SH3RF1: variants seen among roughly 807,000 people sequenced by gnomAD.
The protein encoded by SH3RF1 is SH3 domain containing ring finger 1.
SH3RF1 carries 32 observed loss-of-function variants against 74.0 expected under a neutral mutation model. The observed-to-expected ratio is 0.43, with a 90% CI of 0.33 to 0.58. The LOEUF (loss-of-function observed/expected upper bound fraction) is 0.58, where lower values mean the gene tolerates loss of function less well. Ranked by LOEUF, SH3RF1 falls within the 20% of genes least tolerant of loss-of-function variation. The probability of loss-of-function intolerance (pLI) is 0.05; values close to 1 mark genes in which losing one functional copy is unlikely to be tolerated. For synonymous variants in SH3RF1, 396 were observed against 439.6 expected (o/e 0.90, Z 1.24); for missense variants, 954 against 1,130.9 (o/e 0.84, Z 2.24).
chr4:169,204,474 A>C (rs1233578237), intron 2 of SH3RF1, among the ~76,000 whole-genome samples: 1 of 152,196 alleles, frequency 6.6e-6, no homozygotes. Flanking sequence ...GAAGTAATGA[A>C]GTAGAGTATT....
intron 5 of SH3RF1, 53 bp downstream of exon 5, chr4:169,136,265 T>G: frequency 7.4e-7 from 1 of 1,349,652 alleles, no homozygotes; most frequent in Non-Finnish European, 9.6e-7. Flanking sequence ...TGTTTGTAAG[T>G]TGATCCTTTT....
At chr4:169,252,192 T>C (rs1167504487) in intron 2 of SH3RF1, among the ~76,000 whole-genome samples, 1 of 152,240 alleles carries the variant, frequency 6.6e-6, no homozygotes, top group South Asian at 2.1e-4. Context: ...CACAGCTTAC[T>C]TTTTCAAACA....
chr4:169,167,853 T>C (rs1312294868), intron 2 of SH3RF1, among the ~76,000 whole-genome samples: 1 of 152,062 alleles, frequency 6.6e-6, no homozygotes, highest in East Asian at 1.9e-4. Context: ...AATTCACACA[T>C]ACAAATTTTA....
intron 2 of SH3RF1, among the ~76,000 whole-genome samples, chr4:169,249,913 A>C (rs1383075334): frequency 6.6e-6 from 1 of 152,182 alleles, no homozygotes; most frequent in Non-Finnish European, 1.5e-5. Flanking sequence ...GGCTCCAGAC[A>C]CTCAACAGAA....
At chr4:169,263,098 G>C (rs528710552) in intron 2 of SH3RF1, among the ~76,000 whole-genome samples, 1 of 152,040 alleles carries the variant, frequency 6.6e-6, no homozygotes, top group Admixed American at 6.5e-5. Flanking sequence ...GCTTGGGTCC[G>C]GTATGAGTTA....
chr4:169,186,826 G>GA (rs372829457), intron 2 of SH3RF1, among the ~76,000 whole-genome samples: 6,130 of 148,564 alleles, frequency 0.041, 185 homozygotes, highest in Non-Finnish European at 0.06. Context: ...CTAACACGGT[G>GA]AAACCCCATC....
chr4:169,233,720 C>T (rs1432158337), intron 2 of SH3RF1, among the ~76,000 whole-genome samples: 3 of 151,968 alleles, frequency 2.0e-5, no homozygotes, highest in Admixed American at 2.0e-4. Flanking sequence ...TAATGAGCAA[C>T]TTAATCAGCA....
chr4:169,250,029 C>T lies in SH3RF1; in HGVS notation c.393+18791G>A, dbSNP rs773712288. Among the ~76,000 whole-genome samples the T allele has an allele frequency of 5.9e-5, 9 of 152,168 alleles. No homozygotes were observed. In the East Asian group the frequency reaches 1.5e-3, roughly 26 times the overall value. On this transcript the variant is annotated intron_variant, in intron 2 of 11. Transcript: ENST00000284637. ...CAAATGAGGAAATATGCTCAAGTCACGACACAGCCAAGATTAATAGGTGTT... is the reference window on the plus strand; with the variant it reads ...CAAATGAGGAAATATGCTCAAGTCATGACACAGCCAAGATTAATAGGTGTT...
chr4:169,173,498 T>C (rs1278105686), intron 2 of SH3RF1, among the ~76,000 whole-genome samples: 1 of 151,966 alleles, frequency 6.6e-6, no homozygotes, highest in African/African-American at 2.4e-5. Flanking sequence ...AAAAACAAGA[T>C]ATAAATTGTC....
chr4:169,251,288 A>G (rs1226992289), intron 2 of SH3RF1, among the ~76,000 whole-genome samples: 1 of 152,212 alleles, frequency 6.6e-6, no homozygotes, highest in Non-Finnish European at 1.5e-5. Context: ...AAATTTCATT[A>G]TATCTAAACA....
chr4:169,218,616 C>T (rs955243955), intron 2 of SH3RF1, among the ~76,000 whole-genome samples: 1 of 151,466 alleles, frequency 6.6e-6, no homozygotes, highest in Non-Finnish European at 1.5e-5. Context: ...CAGGGAAGGG[C>T]AGCTGCAGAC....
At chr4:169,147,991 C>T (rs1255519341) in intron 4 of SH3RF1, among the ~76,000 whole-genome samples, 1 of 140,648 alleles carries the variant, frequency 7.1e-6, no homozygotes, top group Non-Finnish European at 1.5e-5. Flanking sequence ...ATTAAAATAT[C>T]ATGGTTTTAA....
intron 8 of SH3RF1, among the ~76,000 whole-genome samples, chr4:169,118,560 A>G (rs1411766744): frequency 6.6e-6 from 1 of 151,986 alleles, no homozygotes; most frequent in African/African-American, 2.4e-5. Context: ...GGTTCAAGTG[A>G]TTCTCCTGTC....
At chr4:169,211,240 T>C (rs151084199) in intron 2 of SH3RF1, among the ~76,000 whole-genome samples, 2,698 of 152,110 alleles carry the variant, frequency 0.018, 74 homozygotes, top group African/African-American at 0.062. Flanking sequence ...CCCAGCACTT[T>C]GGGAGGCCAA....
At chr4:169,224,159 A>C (rs1730616295) in intron 2 of SH3RF1, among the ~76,000 whole-genome samples, 1 of 152,242 alleles carries the variant, frequency 6.6e-6, no homozygotes, top group Non-Finnish European at 1.5e-5. Context: ...AGGGACAGGA[A>C]GCAGGCAGTA....
chr4:169,213,720 T>C (rs1207901579), intron 2 of SH3RF1, among the ~76,000 whole-genome samples: 1 of 152,256 alleles, frequency 6.6e-6, no homozygotes, highest in Non-Finnish European at 1.5e-5. Flanking sequence ...TCTAGATTCA[T>C]TGTTTGCATT....
rs151037598 is a variant in SH3RF1 at position 169,260,358 on chromosome 4, CT to C, written c.393+8461del. Among the ~76,000 whole-genome samples, 1,328 of 152,300 alleles carry C rather than the reference CT, an allele frequency of 8.7e-3. 13 individuals carry two copies. The highest frequency in any genetic ancestry group is 0.03 in the African/African-American group (1,251 of 41,570). ...GAGAAGGACTGCTTTCCTGCTCCCC[CT>C]GTCTGTTCTACCGGCTCCCCACTGC... On this transcript the variant is annotated intron_variant, in intron 2 of 11. Coordinates refer to ENST00000284637, the MANE Select transcript of SH3RF1 (RefSeq NM_020870.4).
chr4:169,269,165 T>C lies in SH3RF1; in HGVS notation c.48A>G (p.Leu16=). The change falls in exon 2 of 12, where the codon CTA becomes CTG. Residue 16 remains leucine (L), a synonymous_variant. Coordinates refer to ENST00000284637, the MANE Select transcript of SH3RF1 (RefSeq NM_020870.4). Reference sequence around the variant, plus strand: ...CCTTCGCAGAAGCATCAAGGCGCTCTAGACACACCGGACACTCCAAAAGAT... The same window carrying C: ...CCTTCGCAGAAGCATCAAGGCGCTCCAGACACACCGGACACTCCAAAAGAT... ...LLDLLECPVC[L]ERLDASAKVL... 1 of 1,609,460 alleles carries C rather than the reference T, an allele frequency of 6.2e-7. No homozygotes were observed. The highest frequency in any genetic ancestry group is 8.5e-7 in the Non-Finnish European group (1 of 1,179,452).
chr4:169,268,294 G>A lies in SH3RF1; in HGVS notation c.393+526C>T, dbSNP rs1423599928. On this transcript the variant is annotated intron_variant, in intron 2 of 11. Coordinates refer to ENST00000284637, the MANE Select transcript of SH3RF1 (RefSeq NM_020870.4). Reference sequence around the variant, plus strand: ...CTACAGCAACGAAACTCTGCTACCTGTAGCCATGATTTGTTAAGAATTCCA... The same window carrying A: ...CTACAGCAACGAAACTCTGCTACCTATAGCCATGATTTGTTAAGAATTCCA... 3.3e-5 allele frequency among the ~76,000 whole-genome samples: 5 copies of A among 152,168 alleles called. No individual in the cohort carries two copies. In the East Asian group the frequency reaches 9.6e-4, roughly 29 times the overall value.
Sources: gnomAD v4.1 joint callset for allele counts (sites outside exome capture counted in the v4.1 genomes callset) on GRCh38, gnomAD v4.1.1 for gene constraint, MANE v1.5 for transcripts, NCBI Gene and HGNC (gene_info 2026-07-23, HGNC 2026-07-21) for gene names.